The following ZMYND19 variants were observed in gnomAD, a reference collection of about 807,000 sequenced individuals.
ZMYND19 encodes the protein zinc finger MYND-type containing 19.
In ZMYND19, 17 loss-of-function variants were observed where a neutral mutation model predicts 32.0. That is an observed-to-expected ratio of 0.53 (90% CI 0.36 to 0.80). The LOEUF (loss-of-function observed/expected upper bound fraction) is 0.80. Ranked by LOEUF, ZMYND19 falls within the 30% of genes least tolerant of loss-of-function variation. The pLI, the probability that ZMYND19 is intolerant of heterozygous loss-of-function variation, is 0.00. For missense variants in ZMYND19, 250 were observed against 293.6 expected, an observed-to-expected ratio of 0.85 and a Z score of 1.09; for synonymous variants, 124 against 113.6, an observed-to-expected ratio of 1.09 and a Z score of -0.58.
chr9:137,585,540 AG>A (rs1422384419), intron 4 of ZMYND19, among the ~76,000 whole-genome samples: 1 of 152,084 alleles, frequency 6.6e-6, no homozygotes, highest in South Asian at 2.1e-4. Flanking sequence ...TAAACAGAGC[AG>A]GGAAAAAAAA....
At chr9:137,583,477 GC>G (rs1173957130) in intron 4 of ZMYND19, among the ~76,000 whole-genome samples, 1 of 152,206 alleles carries the variant, frequency 6.6e-6, no homozygotes. Context: ...CCCTCTCCTT[GC>G]CCTTGACCTG....
chr9:137,586,638 G>A (rs1842208123), intron 4 of ZMYND19, among the ~76,000 whole-genome samples: 2 of 152,198 alleles, frequency 1.3e-5, no homozygotes, highest in African/African-American at 4.8e-5. Context: ...AGGGGTGTGG[G>A]GCAGAAGCCC....
chr9:137,589,984 G>T, intron 1 of ZMYND19: 1 of 985,298 alleles, frequency 1.0e-6, no homozygotes, highest in Non-Finnish European at 1.2e-6. Context: ...CAGGGCCGAG[G>T]GTGGCCAGGT....
intron 4 of ZMYND19, among the ~76,000 whole-genome samples, chr9:137,584,543 G>A (rs1388341370): frequency 6.6e-6 from 1 of 152,234 alleles, no homozygotes; most frequent in Non-Finnish European, 1.5e-5. Flanking sequence ...CCATGGCAGG[G>A]ACAGAAGGCA....
intron 4 of ZMYND19, 73 bp downstream of exon 4, chr9:137,586,893 GA>G (rs1842211071): frequency 6.3e-7 from 1 of 1,586,156 alleles, no homozygotes; most frequent in African/African-American, 1.3e-5. Flanking sequence ...GACCCTCTTG[GA>G]AACAAGAGCT....
intron 4 of ZMYND19, among the ~76,000 whole-genome samples, chr9:137,584,230 A>T (rs1217475468): frequency 6.6e-6 from 1 of 152,214 alleles, no homozygotes; most frequent in East Asian, 1.9e-4. Context: ...CAAACCAAAG[A>T]TGGCTGAGCC....
intron 4 of ZMYND19, 133 bp from the exon 5 acceptor site, chr9:137,583,296 T>C: frequency 2.2e-6 from 2 of 917,852 alleles, no homozygotes; most frequent in Non-Finnish European, 3.3e-6. Context: ...CTTTGGCCCA[T>C]CCCTGCTGCA....
Position 137,587,034 on chromosome 9 carries a change from G to A in ZMYND19, c.292C>T (p.Leu98=). 2 of 1,612,176 alleles carry A rather than the reference G, an allele frequency of 1.2e-6. No individual in the cohort carries two copies. The highest frequency in any genetic ancestry group is 1.7e-6 in the Non-Finnish European group (2 of 1,180,026). ...HLNAVTVDNR[L]DNLQLVPWGW... ...CACGGCACCAGTTGCAGGTTGTCCA[G>A]GCGATTGTCCACGGTCACAGCGTTG... The change falls in exon 4 of 6, where the codon CTG becomes TTG. Residue 98 remains leucine (L), a synonymous_variant. Coordinates refer to ENST00000298585, the MANE Select transcript of ZMYND19 (RefSeq NM_138462.3).
At position 137,583,037 on chromosome 9, in the gene ZMYND19, G is replaced by A; in HGVS notation, c.486C>T (p.Asn162=). The A allele has an allele frequency of 6.2e-6, 10 of 1,614,216 alleles. No individual in the cohort carries two copies. Among genetic ancestry groups the A allele is most frequent in the Non-Finnish European group, 6.8e-6 (8 of 1,180,032 alleles). The part of the protein sequence containing the change: ...ANGDVVEEEE[N]SCTYYECHYP... Reference sequence around the variant, plus strand: ...AGTGGCACTCATAGTAGGTGCAAGAGTTCTCCTCCTCTTCCACTACATCCC... The same window carrying A: ...AGTGGCACTCATAGTAGGTGCAAGAATTCTCCTCCTCTTCCACTACATCCC... Residue 162 remains asparagine (N), a synonymous_variant, in exon 5 of 6, where the codon AAC becomes AAT. Coordinates refer to ENST00000298585, the MANE Select transcript of ZMYND19 (RefSeq NM_138462.3).
Position 137,584,351 on chromosome 9 carries a change from G to A in ZMYND19, c.360-1188C>T, listed in dbSNP as rs374127013. On this transcript the variant is annotated intron_variant, in intron 4 of 5. Transcript: ENST00000298585. ...GCCCTCAGAGAATGGGCATCCTGCC[G>A]TGCCCACAGAGAATGGGCTGACCAG... Among the ~76,000 whole-genome samples the A allele has an allele frequency of 4.9e-4, 75 of 152,350 alleles. 1 individual carries two copies. Among genetic ancestry groups the A allele is most frequent in the African/African-American group, 1.7e-3 (71 of 41,586 alleles).
Position 137,583,123 on chromosome 9 carries a change from T to C in ZMYND19, c.400A>G (p.Thr134Ala), listed in dbSNP as rs944062612. ...GGAAACTGTTCTTCTATAGGGTCTG[T>C]AGGCAGCTGCTGAATTGCAAGCCAA... ...LYWLAIQQLPTDPIEEQFPVL... is the reference protein window; with the variant it reads ...LYWLAIQQLPADPIEEQFPVL... The change falls in exon 5 of 6, where the codon ACA (threonine) becomes GCA (alanine). Residue 134 changes from threonine to alanine, a missense_variant. Physicochemically the swap from Thr to Ala is moderately conservative, Grantham distance 58. This residue lies in a region of ZMYND19 where 212 missense variants were observed against 218.8 expected (regional missense o/e 0.97). Transcript: ENST00000298585. 4.3e-6 allele frequency: 7 copies of C among 1,614,022 alleles called. No homozygotes were observed. The highest frequency in any genetic ancestry group is 4.0e-5 in the African/African-American group (3 of 74,924).
Position 137,590,284 on chromosome 9 carries a change from C to A in ZMYND19, c.-21G>T, listed in dbSNP as rs979172233. On this transcript the variant is annotated 5_prime_UTR_variant, in exon 1 of 6. Coordinates refer to ENST00000298585, the MANE Select transcript of ZMYND19 (RefSeq NM_138462.3). The surrounding 1 kb of genome is among the most constrained non-coding windows in gnomAD (Gnocchi z 4.2). ...GTCATGGCCGGGCCTGCGCTCTCGG[C>A]CGGCAGCGCCGCTCCCTCGGGAGGC... 2 of 1,065,130 alleles carry A rather than the reference C, an allele frequency of 1.9e-6. No individual in the cohort carries two copies. The highest frequency in any genetic ancestry group is 3.1e-5 in the South Asian group (1 of 31,826). 66.0% of individuals were successfully genotyped at this position (1,065,130 alleles called of 1,614,324 possible).
At chr9:137,588,449 G>A (rs528508559) in intron 2 of ZMYND19, among the ~76,000 whole-genome samples, 1 of 92,984 alleles carries the variant, frequency 1.1e-5, no homozygotes, top group East Asian at 2.4e-4. Context: ...AGGCCATGTG[G>A]GCCACAGTGG....
At chr9:137,583,278 T>G in intron 4 of ZMYND19, 115 bp from the exon 5 acceptor site, 1 of 1,177,532 alleles carries the variant, frequency 8.5e-7, no homozygotes, top group Non-Finnish European at 1.2e-6. Flanking sequence ...AGCCCGAGTT[T>G]GAGTCTCCTT....
At chr9:137,584,681 G>A (rs897848426) in intron 4 of ZMYND19, among the ~76,000 whole-genome samples, 11 of 152,314 alleles carry the variant, frequency 7.2e-5, no homozygotes, top group East Asian at 5.8e-4. Flanking sequence ...TGCTCTGCCT[G>A]CCAAGCACGC....
chr9:137,582,603 G>A lies in ZMYND19; in HGVS notation c.624C>T (p.His208=), dbSNP rs146902082. The A allele has an allele frequency of 5.5e-5, 89 of 1,613,606 alleles. No homozygotes were observed. In the East Asian group the frequency reaches 1.6e-3, roughly 29 times the overall value. Residue 208 remains histidine, a synonymous_variant, in exon 6 of 6, where the codon CAC becomes CAT. Transcript: ENST00000298585. ...SQCQQKDWPA[H]KKHCRERKRP... ...GCTTCCTCTCCCGACAGTGCTTCTT[G>A]TGGGCAGGCCAGTCCTTCTGCTGGC...
At chr9:137,584,099 A>G (rs1181780791) in intron 4 of ZMYND19, among the ~76,000 whole-genome samples, 4 of 152,282 alleles carry the variant, frequency 2.6e-5, no homozygotes, top group African/African-American at 9.6e-5. Flanking sequence ...ACGGACACAC[A>G]GCACCCAGCC....
chr9:137,588,887 G>A (rs2297004), intron 1 of ZMYND19, 169 bp from the exon 2 acceptor site: 140,340 of 676,450 alleles, frequency 0.21, 16,003 homozygotes, highest in Admixed American at 0.38. Flanking sequence ...TCATTCCACC[G>A]TTTGGGGTGG....
chr9:137,585,643 T>G (rs1313841424), intron 4 of ZMYND19, among the ~76,000 whole-genome samples: 1 of 152,076 alleles, frequency 6.6e-6, no homozygotes, highest in African/African-American at 2.4e-5. Context: ...TTTGTAGGAC[T>G]CCCTCCAGGG....
Sources: gnomAD v4.1 joint callset for allele counts (sites outside exome capture counted in the v4.1 genomes callset) on GRCh38, gnomAD v4.1.1 for gene constraint, gnomAD v4.1.1 regional missense constraint, Gnocchi (gnomAD v3.1) non-coding constraint, MANE v1.5 for transcripts, NCBI Gene and HGNC (gene_info 2026-07-23, HGNC 2026-07-21) for gene names.